The following ROBO1 variants were observed in gnomAD, a reference collection of about 807,000 sequenced individuals.
The protein encoded by ROBO1 is roundabout homolog 1.
Under a neutral mutation model 195.9 loss-of-function variants are expected in ROBO1, and 149 were observed. The observed-to-expected ratio is 0.76, with a 90% confidence interval of 0.67 to 0.87. The LOEUF (loss-of-function observed/expected upper bound fraction) is 0.87, where lower values mean the gene tolerates loss of function less well. ROBO1 is among the 40% of genes least tolerant of loss of function. ROBO1 has a pLI of 0.00. For missense variants in ROBO1, 1,933 were observed against 2,068.3 expected, an observed-to-expected ratio of 0.93 and a Z score of 1.27; for synonymous variants, 816 against 733.2, an observed-to-expected ratio of 1.11 and a Z score of -1.82.
intron 1 of ROBO1, among the ~76,000 whole-genome samples, chr3:79,594,205 C>G (rs1379555228): frequency 1.3e-5 from 2 of 151,900 alleles, no homozygotes; most frequent in African/African-American, 2.4e-5. Context: ...TAAAACCACA[C>G]CTTTTGACAT....
At chr3:79,047,957 G>T (rs992199640) in intron 3 of ROBO1, among the ~76,000 whole-genome samples, 1 of 152,100 alleles carries the variant, frequency 6.6e-6, no homozygotes, top group African/African-American at 2.4e-5. Flanking sequence ...TATATACTTT[G>T]ACAACACTAG....
At chr3:78,827,634 C>T (rs1247079285) in intron 4 of ROBO1, among the ~76,000 whole-genome samples, 1 of 152,100 alleles carries the variant, frequency 6.6e-6, no homozygotes. Flanking sequence ...TCATTTTAAA[C>T]AAATGGATCA....
chr3:79,041,526 T>C (rs992731127), intron 3 of ROBO1, among the ~76,000 whole-genome samples: 2 of 152,150 alleles, frequency 1.3e-5, no homozygotes, highest in Non-Finnish European at 2.9e-5. Context: ...TCTATGCATA[T>C]CAAATTAACA....
At chr3:79,404,600 G>T (rs2037477703) in intron 2 of ROBO1, among the ~76,000 whole-genome samples, 1 of 152,048 alleles carries the variant, frequency 6.6e-6, no homozygotes, top group African/African-American at 2.4e-5. Context: ...AAGACGATTT[G>T]GTGCCATGCA....
chr3:79,381,331 T>G (rs1330131694), intron 2 of ROBO1, among the ~76,000 whole-genome samples: 4 of 116,482 alleles, frequency 3.4e-5, no homozygotes, highest in Non-Finnish European at 4.8e-5. Context: ...CACTCCAGCC[T>G]GGAGACAGAG....
intron 4 of ROBO1, among the ~76,000 whole-genome samples, chr3:78,851,338 A>G (rs1410694645): frequency 1.3e-5 from 2 of 152,306 alleles, no homozygotes; most frequent in East Asian, 1.9e-4. Context: ...TTCTAAACAT[A>G]TAAGATTACA....
intron 4 of ROBO1, among the ~76,000 whole-genome samples, chr3:78,902,616 G>T (rs917633968): frequency 1.3e-5 from 2 of 152,078 alleles, no homozygotes; most frequent in African/African-American, 2.4e-5. Flanking sequence ...TGAGAGGCCG[G>T]TGGATCACCT....
chr3:79,066,783 A>C (rs1164196654), intron 3 of ROBO1, among the ~76,000 whole-genome samples: 2 of 151,908 alleles, frequency 1.3e-5, no homozygotes, highest in Non-Finnish European at 2.9e-5. Context: ...ATAAGGCAGA[A>C]ATGATATTTT....
chr3:79,293,235 A>G (rs886498163), intron 2 of ROBO1, among the ~76,000 whole-genome samples: 6 of 152,026 alleles, frequency 3.9e-5, no homozygotes, highest in Non-Finnish European at 8.8e-5. Context: ...TATCCCCTTT[A>G]TCATTTTTAT....
chr3:78,874,984 G>A (rs891864782), intron 4 of ROBO1, among the ~76,000 whole-genome samples: 2 of 151,940 alleles, frequency 1.3e-5, no homozygotes, highest in African/African-American at 4.8e-5. Context: ...TAACAAATGA[G>A]AGCTTCAACA....
At chr3:79,466,936 CTA>C (rs1364837292) in intron 2 of ROBO1, among the ~76,000 whole-genome samples, 1 of 151,972 alleles carries the variant, frequency 6.6e-6, no homozygotes, top group African/African-American at 2.4e-5. Flanking sequence ...ATGGTGGAAA[CTA>C]TGATACTAGT....
chr3:78,689,083 A>G (rs1010550059), intron 8 of ROBO1, among the ~76,000 whole-genome samples: 3 of 152,156 alleles, frequency 2.0e-5, no homozygotes, highest in Non-Finnish European at 4.4e-5. Context: ...TTATGAACAA[A>G]TATTATCTTT....
intron 2 of ROBO1, among the ~76,000 whole-genome samples, chr3:79,147,632 G>T (rs1036113807): frequency 2.0e-5 from 3 of 151,900 alleles, no homozygotes; most frequent in Non-Finnish European, 2.9e-5. Context: ...ACTTGTCTTT[G>T]AATAGGAGGA....
intron 2 of ROBO1, among the ~76,000 whole-genome samples, chr3:79,467,260 T>C (rs1413557640): frequency 6.6e-6 from 1 of 152,014 alleles, no homozygotes; most frequent in Non-Finnish European, 1.5e-5. Context: ...CTTGGTTTAC[T>C]TTGGCACCAG....
intron 8 of ROBO1, among the ~76,000 whole-genome samples, chr3:78,709,717 G>A (rs1373568763): frequency 6.6e-6 from 1 of 152,048 alleles, no homozygotes; most frequent in Non-Finnish European, 1.5e-5. Flanking sequence ...AAGTTTTTGA[G>A]GATATTTGCT....
intron 2 of ROBO1, among the ~76,000 whole-genome samples, chr3:79,147,806 A>AT (rs1426547746): frequency 2.0e-5 from 3 of 152,034 alleles, no homozygotes; most frequent in Non-Finnish European, 2.9e-5. Context: ...ATGCACTTAA[A>AT]TTTTTTTATT....
intron 2 of ROBO1, among the ~76,000 whole-genome samples, chr3:79,168,370 T>TA (rs1226365675): frequency 6.6e-6 from 1 of 152,102 alleles, no homozygotes; most frequent in Non-Finnish European, 1.5e-5. Context: ...TTTTTCTTTT[T>TA]AAAAAAATCA....
chr3:78,720,543 T>C (rs1201845874), intron 5 of ROBO1, among the ~76,000 whole-genome samples: 3 of 152,196 alleles, frequency 2.0e-5, no homozygotes, highest in African/African-American at 7.2e-5. Context: ...TGGCAATTCC[T>C]CAGGGATCTA....
intron 8 of ROBO1, 97 bp downstream of exon 8, chr3:78,714,300 A>G (rs867115134): frequency 6.8e-6 from 8 of 1,183,944 alleles, no homozygotes; most frequent in Non-Finnish European, 9.3e-6. Context: ...CTTAAAGTCT[A>G]TATGTAACAT....
Sources: gnomAD v4.1 joint callset for allele counts (sites outside exome capture counted in the v4.1 genomes callset) on GRCh38, gnomAD v4.1.1 for gene constraint, MANE v1.5 for transcripts, NCBI Gene and HGNC (gene_info 2026-07-23, HGNC 2026-07-21) for gene names.